The following TMOD2 variants were observed in gnomAD, a reference collection of about 807,000 sequenced individuals.
TMOD2 encodes the protein tropomodulin-2.
TMOD2 carries 22 observed loss-of-function variants against 39.9 expected under a neutral mutation model. That is an observed-to-expected ratio of 0.55 (90% CI 0.39 to 0.79). TMOD2 has a LOEUF of 0.79. TMOD2 is among the 30% of genes least tolerant of loss of function. The pLI is 0.00. For missense variants in TMOD2, 386 were observed against 413.3 expected (o/e 0.93, Z 0.57); for synonymous variants, 123 against 146.1 (o/e 0.84, Z 1.14).
chr15:51,802,636 G>A (rs956416149), intron 8 of TMOD2, among the ~76,000 whole-genome samples: 1 of 152,316 alleles, frequency 6.6e-6, no homozygotes, highest in African/African-American at 2.4e-5. Context: ...GGCACAAGCC[G>A]TAGTAGTGGC....
chr15:51,764,537 T>A (rs1481080009), intron 1 of TMOD2, among the ~76,000 whole-genome samples: 1 of 152,140 alleles, frequency 6.6e-6, no homozygotes, highest in Non-Finnish European at 1.5e-5. Context: ...AAAAAAAGAT[T>A]GGCGTGCTCA....
At chr15:51,782,640 A>G in intron 6 of TMOD2, 81 bp from the exon 7 acceptor site, 1 of 1,075,346 alleles carries the variant, frequency 9.3e-7, no homozygotes, top group Non-Finnish European at 1.4e-6. Context: ...CATACCTGGT[A>G]TTTAAAGGTT....
At chr15:51,801,390 C>T (rs2056089082) in intron 8 of TMOD2, among the ~76,000 whole-genome samples, 1 of 151,972 alleles carries the variant, frequency 6.6e-6, no homozygotes, top group Non-Finnish European at 1.5e-5. Context: ...GGGGTCAAAA[C>T]TTGTCTTGCA....
chr15:51,758,144 C>G (rs989742096), intron 1 of TMOD2, among the ~76,000 whole-genome samples: 1 of 151,872 alleles, frequency 6.6e-6, no homozygotes, highest in African/African-American at 2.4e-5. Flanking sequence ...AAGTTGTGCT[C>G]CAGGAGGATG....
chr15:51,764,926 G>A (rs1486061600), intron 1 of TMOD2, among the ~76,000 whole-genome samples: 1 of 152,086 alleles, frequency 6.6e-6, no homozygotes, highest in Non-Finnish European at 1.5e-5. Context: ...TTTACATTAT[G>A]TCTAATACTT....
chr15:51,767,414 A>G (rs2055823461), intron 2 of TMOD2, among the ~76,000 whole-genome samples: 1 of 152,252 alleles, frequency 6.6e-6, no homozygotes, highest in Admixed American at 6.5e-5. Flanking sequence ...AGAATAGATT[A>G]GACTGACTAT....
rs71127202 is a variant in TMOD2, at chr15:51,801,217, CCTCTCTCT to C, written c.876+2891_876+2898del. Among the ~76,000 whole-genome samples, 53 of 119,366 alleles carry C rather than the reference CCTCTCTCT, an allele frequency of 4.4e-4. 1 individual carries two copies. The highest frequency in any genetic ancestry group is 1.0e-3 in the African/African-American group (31 of 30,830). The allele number at this position is 119,366 out of a possible 152,430, so 78.3% of individuals were successfully genotyped here. A position where few individuals can be genotyped will look rare whatever the true frequency, so the allele number is the denominator to read the frequency against. ...AGACCCTGTATATTCATTCTCTCTC[CCTCTCTCT>C]CTCTCTCTCTCTCACACACACACAC... On this transcript the variant is annotated intron_variant, in intron 8 of 9. Coordinates refer to ENST00000249700, the MANE Select transcript of TMOD2 (RefSeq NM_014548.4).
chr15:51,802,137 C>A (rs115990302), intron 8 of TMOD2, among the ~76,000 whole-genome samples: 2,485 of 151,662 alleles, frequency 0.016, 61 homozygotes, highest in African/African-American at 0.057. Flanking sequence ...TTAATTCCTC[C>A]CCTTTTTTAT....
At position 51,815,069 on chromosome 15, in the gene TMOD2, C is replaced by T. The variant is rs2056180296; in HGVS notation, c.*6615C>T. The T allele has an allele frequency of 6.6e-6, 1 of 152,208 alleles. No individual in the cohort carries two copies. The allele number at this position is 152,208 out of a possible 1,614,324, so 9.4% of individuals were successfully genotyped here. On this transcript the variant is annotated 3_prime_UTR_variant, in exon 10 of 10. Transcript: ENST00000249700. Reference sequence around the variant, plus strand: ...CTGAGGTCAGGAGTTCAAGACCAGCCTGGCCAACATGGTGAAACCCCGTCT... The same window carrying T: ...CTGAGGTCAGGAGTTCAAGACCAGCTTGGCCAACATGGTGAAACCCCGTCT...
At chr15:51,808,225 G>A (rs983711314) in intron 9 of TMOD2, among the ~76,000 whole-genome samples, 195 bp from the exon 10 acceptor site, 1 of 152,138 alleles carries the variant, frequency 6.6e-6, no homozygotes, top group African/African-American at 2.4e-5. Context: ...AGACATATAT[G>A]TATTTAAATG....
rs1482042835 is a variant in TMOD2, at chr15:51,810,452, G to A, written c.*1998G>A. On this transcript the variant is annotated 3_prime_UTR_variant, in exon 10 of 10. Coordinates refer to ENST00000249700, the MANE Select transcript of TMOD2 (RefSeq NM_014548.4). ...ACTGAACGTATCCTCTCAACTCCAT[G>A]TTCACTACCTTCTTGTTACTACAGT... is the stretch of plus-strand genomic sequence containing the variant. The A allele has an allele frequency of 6.6e-6, 1 of 152,048 alleles. No homozygotes were observed. The highest frequency in any genetic ancestry group is 1.5e-5 in the Non-Finnish European group (1 of 68,018). The allele number at this position is 152,048 out of a possible 1,614,324, so 9.4% of individuals were successfully genotyped here. A position where few individuals can be genotyped will look rare whatever the true frequency, so the allele number is the denominator to read the frequency against.
At chr15:51,781,793 G>A (rs2141626950) in intron 6 of TMOD2, among the ~76,000 whole-genome samples, 1 of 135,622 alleles carries the variant, frequency 7.4e-6, no homozygotes, top group Admixed American at 7.9e-5. Flanking sequence ...ACTCTCAAAG[G>A]GAAAGAGTAG....
At chr15:51,805,286 A>C (rs1223465964) in intron 8 of TMOD2, among the ~76,000 whole-genome samples, 4 of 152,084 alleles carry the variant, frequency 2.6e-5, no homozygotes, top group East Asian at 3.9e-4. Context: ...AGAAAAAAAA[A>C]CCCTCTATTT....
At chr15:51,788,698 A>G (rs571347821) in intron 7 of TMOD2, among the ~76,000 whole-genome samples, 32 of 152,360 alleles carry the variant, frequency 2.1e-4, no homozygotes, top group African/African-American at 7.5e-4. Context: ...GTGGGGGCCA[A>G]TATTCAACAT....
chr15:51,773,874 T>G, intron 4 of TMOD2, 40 bp downstream of exon 4: 1 of 1,577,898 alleles, frequency 6.3e-7, no homozygotes, highest in South Asian at 1.2e-5. Flanking sequence ...TCTGGCTCTA[T>G]GACCTCCGAG....
At position 51,783,345 on chromosome 15, in the gene TMOD2, G is replaced by A. The variant is rs552373703; in HGVS notation, c.732+517G>A. On this transcript the variant is annotated intron_variant, in intron 7 of 9. Transcript: ENST00000249700. ...AAAAATACAAGAACTAGCTGGGCATGGTGGCACGCGCCTGTAGTCCCAGCT... is the reference window on the plus strand; with the variant it reads ...AAAAATACAAGAACTAGCTGGGCATAGTGGCACGCGCCTGTAGTCCCAGCT... The A allele has an allele frequency of 3.8e-3, 585 of 154,342 alleles. 3 individuals carry two copies. Among genetic ancestry groups the A allele is most frequent in the Non-Finnish European group, 6.6e-3 (462 of 69,544 alleles). 9.6% of individuals were successfully genotyped at this position (154,342 alleles called of 1,614,324 possible).
At chr15:51,795,624 T>C (rs2056045902) in intron 7 of TMOD2, among the ~76,000 whole-genome samples, 1 of 131,114 alleles carries the variant, frequency 7.6e-6, no homozygotes, top group African/African-American at 2.9e-5. Flanking sequence ...CTTTCTTTCT[T>C]TCTTTCTTTC....
At chr15:51,769,976 A>T (rs2055842404) in intron 3 of TMOD2, among the ~76,000 whole-genome samples, 1 of 152,184 alleles carries the variant, frequency 6.6e-6, no homozygotes, top group Non-Finnish European at 1.5e-5. Context: ...AGCTGCAGTG[A>T]GCCGTGATCA....
Position 51,815,702 on chromosome 15 carries a change from A to G in TMOD2, c.*7248A>G, listed in dbSNP as rs1051156592. 2.0e-5 allele frequency: 3 copies of G among 152,196 alleles called. No individual in the cohort carries two copies. The highest frequency in any genetic ancestry group is 7.2e-5 in the African/African-American group (3 of 41,446). 9.4% of individuals were successfully genotyped at this position (152,196 alleles called of 1,614,324 possible). A position where few individuals can be genotyped will look rare whatever the true frequency, so the allele number is the denominator to read the frequency against. On this transcript the variant is annotated 3_prime_UTR_variant, in exon 10 of 10. Transcript: ENST00000249700. ...AAACAAAAACCCTTATATACATGGA[A>G]TAGTTATATTTTAATTAAGCATTTA...
Sources: allele counts gnomAD v4.1 joint callset (sites outside exome capture counted in the v4.1 genomes callset), GRCh38; gene constraint gnomAD v4.1.1; transcripts MANE v1.5; gene names NCBI Gene and HGNC (gene_info 2026-07-23, HGNC 2026-07-21).